The following ABCA1 variants were observed in gnomAD, a reference collection of about 807,000 sequenced individuals.
ABCA1 encodes the protein phospholipid-transporting ATPase ABCA1.
A neutral mutation model predicts 262.5 loss-of-function variants in ABCA1; 133 were observed. That is an observed-to-expected ratio of 0.51 (90% CI 0.44 to 0.59). The LOEUF (loss-of-function observed/expected upper bound fraction) is 0.59, where lower values mean the gene tolerates loss of function less well. Ranked by LOEUF, ABCA1 falls within the 20% of genes least tolerant of loss-of-function variation. ABCA1 has a pLI of 0.00. For synonymous variants in ABCA1, 1,022 were observed against 1,043.5 expected, an observed-to-expected ratio of 0.98 and a Z score of 0.40; for missense variants, 2,452 against 2,777.5, an observed-to-expected ratio of 0.88 and a Z score of 2.63.
intron 41 of ABCA1, 99 bp from the exon 42 acceptor site, chr9:104,793,005 T>A: frequency 6.3e-7 from 1 of 1,598,010 alleles, no homozygotes. Context: ...TGCCACAGTC[T>A]CCAGGATGGG....
chr9:104,914,336 G>GGCAT (rs1378635625), intron 1 of ABCA1, among the ~76,000 whole-genome samples: 1 of 151,502 alleles, frequency 6.6e-6, no homozygotes, highest in Non-Finnish European at 1.5e-5. Flanking sequence ...AAAGTAGCTG[G>GGCAT]GCATGGTAGT....
At chr9:104,914,960 T>C (rs1293292850) in intron 1 of ABCA1, among the ~76,000 whole-genome samples, 1 of 152,228 alleles carries the variant, frequency 6.6e-6, no homozygotes, top group African/African-American at 2.4e-5. Flanking sequence ...CTAGAACCCC[T>C]GGTAAACATG....
At chr9:104,844,233 G>C (rs76729624) in intron 8 of ABCA1, among the ~76,000 whole-genome samples, 1 of 151,906 alleles carries the variant, frequency 6.6e-6, no homozygotes, top group East Asian at 2.0e-4. Context: ...AAATAGCTAC[G>C]GACTTGCAAA....
chr9:104,858,809 T>A, intron 6 of ABCA1, 111 bp from the exon 7 acceptor site: 1 of 1,091,906 alleles, frequency 9.2e-7, no homozygotes, highest in Non-Finnish European at 1.4e-6. Context: ...TTGAAGATCT[T>A]AAAACAGGTT....
chr9:104,892,362 T>G (rs1210205782), intron 2 of ABCA1, among the ~76,000 whole-genome samples: 1 of 146,562 alleles, frequency 6.8e-6, no homozygotes. Flanking sequence ...TATATCACAT[T>G]GCATATCTTA....
intron 23 of ABCA1, among the ~76,000 whole-genome samples, chr9:104,818,166 G>C (rs535873196): frequency 9.9e-6 from 1 of 100,962 alleles, no homozygotes; most frequent in African/African-American, 2.7e-5. Flanking sequence ...AGATGATAGA[G>C]GTTAAAAAAA....
chr9:104,898,697 G>A (rs1462228826), intron 2 of ABCA1, among the ~76,000 whole-genome samples: 1 of 151,990 alleles, frequency 6.6e-6, no homozygotes, highest in African/African-American at 2.4e-5. Flanking sequence ...CTCCACCAGT[G>A]CCACTGGCTT....
chr9:104,819,453 T>G (rs1228543645), intron 22 of ABCA1, 133 bp downstream of exon 22: 9 of 1,304,496 alleles, frequency 6.9e-6, no homozygotes, highest in African/African-American at 1.5e-5. Context: ...CTCAATGCCC[T>G]TTATCTCTTC....
At position 104,818,706 on chromosome 9, in the gene ABCA1, C is replaced by A. The variant is rs1447297449; in HGVS notation, c.3419G>T (p.Ser1140Ile). Residue 1140 changes from serine (S) to isoleucine (I), a missense_variant, in exon 23 of 50, where the codon AGT (serine) becomes ATT (isoleucine). Transcript: ENST00000374736. ...AGTGCTACTACTGTTTCTGCAGGAA[C>A]TGAGGGAGGATTCCACATCTTTCTT... ...LVKKDVESSL[S>I]SCRNSSSTVS... is the part of the protein sequence containing the mutation. The A allele has an allele frequency of 6.2e-7, 1 of 1,613,584 alleles. No individual in the cohort carries two copies. The highest frequency in any genetic ancestry group is 1.7e-5 in the Admixed American group (1 of 60,012).
chr9:104,828,652 G>A (rs1277708195), intron 15 of ABCA1, among the ~76,000 whole-genome samples: 1 of 152,192 alleles, frequency 6.6e-6, no homozygotes, highest in East Asian at 1.9e-4. Flanking sequence ...GCATGGCACA[G>A]TTGAGCATGT....
chr9:104,793,397 C>A (rs1829601996), intron 40 of ABCA1, 97 bp from the exon 41 acceptor site: 2 of 1,521,242 alleles, frequency 1.3e-6, no homozygotes, highest in South Asian at 2.3e-5. Flanking sequence ...ATTCACCGAT[C>A]TTCCAATAAA....
At chr9:104,913,779 TTA>T (rs1259107475) in intron 1 of ABCA1, among the ~76,000 whole-genome samples, 15 of 123,924 alleles carry the variant, frequency 1.2e-4, no homozygotes, top group Non-Finnish European at 2.1e-4. Context: ...CTACAAGTTT[TTA>T]TTTTATTTTA....
chr9:104,895,986 G>A (rs147173043), intron 2 of ABCA1, among the ~76,000 whole-genome samples: 5 of 152,202 alleles, frequency 3.3e-5, no homozygotes, highest in East Asian at 3.9e-4. Flanking sequence ...AAATGAAGTC[G>A]CTATTTCTTA....
chr9:104,838,453 C>CAAAA (rs36050540), intron 9 of ABCA1, among the ~76,000 whole-genome samples: 1 of 137,266 alleles, frequency 7.3e-6, no homozygotes, highest in African/African-American at 2.7e-5. Flanking sequence ...ACTCAAAATA[C>CAAAA]AAAAAAAAAA....
chr9:104,889,194 C>T lies in ABCA1; in HGVS notation c.68G>A (p.Cys23Tyr), dbSNP rs769337995. The change falls in exon 3 of 50, where the codon TGT becomes TAT. Residue 23 changes from cysteine to tyrosine, a missense_variant and splice_region_variant. By Grantham distance (194) the Cys-to-Tyr change is radical. Transcript: ENST00000374736. The part of the protein sequence containing the change: ...KNLTFRRRQT[C>Y]QLLLEVAWPL... The stretch of plus-strand genomic sequence containing the variant: ...CCAGGCCACTTCCAGCAGCAGCTGA[C>T]ACTGAGTGGGAAATAAGATAGAACA... 2.0e-5 allele frequency: 33 copies of T among 1,614,022 alleles called. No individual in the cohort carries two copies. Among genetic ancestry groups the T allele is most frequent in the Middle Eastern group, 1.7e-4 (1 of 6,060 alleles).
In ABCA1 at chr9:104,831,023, A is replaced by C. The variant is rs749630866; in HGVS notation, c.1794T>G (p.Asp598Glu). The C allele has an allele frequency of 6.2e-7, 1 of 1,613,812 alleles. No individual in the cohort carries two copies. Among genetic ancestry groups the C allele is most frequent in the South Asian group, 1.1e-5 (1 of 91,036 alleles). Residue 598 changes from aspartate to glutamate, a missense_variant, in exon 14 of 50, where the codon GAT becomes GAG. Physicochemically the swap from Asp to Glu is conservative, Grantham distance 45. Around this residue, in one of 4 missense-constraint regions of ABCA1, gnomAD observed 1,032 missense variants for 1,089.7 expected, o/e 0.95. Transcript: ENST00000374736. ...YVWGGFAYLQ[D>E]VVEQAIIRVL... ...CCCTGATGATTGCCTGCTCCACCAC[A>C]TCCTGCAAGTAGGCGAAGCCCCCCC... is the stretch of plus-strand genomic sequence containing the variant.
intron 25 of ABCA1, 28 bp from the exon 26 acceptor site, chr9:104,814,503 A>C: frequency 6.2e-7 from 1 of 1,608,728 alleles, no homozygotes; most frequent in East Asian, 2.2e-5. Flanking sequence ...TGAGAACATT[A>C]TAAGCACCAA....
intron 40 of ABCA1, 93 bp from the exon 41 acceptor site, chr9:104,793,393 C>A: frequency 6.5e-7 from 1 of 1,534,280 alleles, no homozygotes; most frequent in African/African-American, 1.4e-5. Context: ...TAAAATTCAC[C>A]GATCTTCCAA....
chr9:104,879,930 T>C (rs4149273), intron 5 of ABCA1, among the ~76,000 whole-genome samples: 68,578 of 152,080 alleles, frequency 0.45, 17,279 homozygotes, highest in African/African-American at 0.68. Flanking sequence ...GAGGCCATTT[T>C]GCCTAAAAAA....
Sources: allele counts gnomAD v4.1 joint callset (sites outside exome capture counted in the v4.1 genomes callset), GRCh38; gene constraint gnomAD v4.1.1; regional missense constraint gnomAD v4.1.1; transcripts MANE v1.5; gene names NCBI Gene and HGNC (gene_info 2026-07-23, HGNC 2026-07-21).